The following ARHGAP24 variants were observed in gnomAD, a reference collection of about 807,000 sequenced individuals.
ARHGAP24 encodes rho GTPase-activating protein 24.
In ARHGAP24, 50 loss-of-function variants were observed where a neutral mutation model predicts 76.4. The observed-to-expected ratio is 0.65, with a 90% confidence interval of 0.52 to 0.83. The LOEUF (loss-of-function observed/expected upper bound fraction) is 0.83, where lower values mean the gene tolerates loss of function less well. ARHGAP24 is among the 40% of genes least tolerant of loss of function. The pLI, the probability that ARHGAP24 is intolerant of heterozygous loss-of-function variation, is 0.00. For synonymous variants in ARHGAP24, 345 were observed against 323.3 expected (o/e 1.07, Z -0.72); for missense variants, 930 against 914.2 (o/e 1.02, Z -0.22).
At chr4:85,883,753 G>T (rs959258708) in intron 3 of ARHGAP24, among the ~76,000 whole-genome samples, 1 of 152,112 alleles carries the variant, frequency 6.6e-6, no homozygotes, top group Middle Eastern at 3.2e-3. Context: ...CACACAGACA[G>T]ATGTTAGCAG....
At chr4:85,493,416 C>A (rs576808973) in intron 1 of ARHGAP24, among the ~76,000 whole-genome samples, 2 of 152,218 alleles carry the variant, frequency 1.3e-5, no homozygotes, top group African/African-American at 2.4e-5. Flanking sequence ...AATTCTTCTA[C>A]GCGGAAGTTT....
chr4:85,738,241 T>A (rs1270919260), intron 3 of ARHGAP24, among the ~76,000 whole-genome samples: 1 of 152,130 alleles, frequency 6.6e-6, no homozygotes, highest in Non-Finnish European at 1.5e-5. Flanking sequence ...TATCTCATTG[T>A]GGTTTATTTG....
At chr4:85,494,465 A>G (rs781429865) in intron 1 of ARHGAP24, among the ~76,000 whole-genome samples, 7 of 152,034 alleles carry the variant, frequency 4.6e-5, no homozygotes, top group Admixed American at 2.0e-4. Flanking sequence ...GGCGGGTGGA[A>G]CACGAGGTCA....
At chr4:85,524,063 G>T (rs947801390) in intron 1 of ARHGAP24, among the ~76,000 whole-genome samples, 4 of 152,062 alleles carry the variant, frequency 2.6e-5, no homozygotes, top group African/African-American at 9.7e-5. Flanking sequence ...GGTAGTGTTT[G>T]GGAGACTGAA....
intron 3 of ARHGAP24, among the ~76,000 whole-genome samples, chr4:85,861,755 C>T (rs1731910947): frequency 6.6e-6 from 1 of 152,044 alleles, no homozygotes; most frequent in East Asian, 1.9e-4. Context: ...AACATTCATC[C>T]ATTCACACCA....
intron 1 of ARHGAP24, among the ~76,000 whole-genome samples, chr4:85,497,706 G>A (rs1723634194): frequency 6.6e-6 from 1 of 152,124 alleles, no homozygotes; most frequent in Non-Finnish European, 1.5e-5. Context: ...TATAATCCTA[G>A]CTAAATGAGA....
At chr4:85,607,662 A>G (rs1720243245) in intron 2 of ARHGAP24, among the ~76,000 whole-genome samples, 1 of 150,320 alleles carries the variant, frequency 6.7e-6, no homozygotes, top group Non-Finnish European at 1.5e-5. Context: ...AAAACTGTCA[A>G]GCATTATTTT....
chr4:85,956,848 C>A (rs921858399), intron 5 of ARHGAP24, among the ~76,000 whole-genome samples: 1 of 152,110 alleles, frequency 6.6e-6, no homozygotes, highest in Non-Finnish European at 1.5e-5. Context: ...CTAACAAACA[C>A]GGACCAGAAG....
At chr4:85,714,695 G>A (rs1478616266) in intron 2 of ARHGAP24, among the ~76,000 whole-genome samples, 1 of 152,022 alleles carries the variant, frequency 6.6e-6, no homozygotes, top group Non-Finnish European at 1.5e-5. Flanking sequence ...TTAGGTCAGT[G>A]TTCTCCCAAA....
intron 2 of ARHGAP24, among the ~76,000 whole-genome samples, chr4:85,683,040 G>T (rs1404573172): frequency 7.3e-6 from 1 of 137,650 alleles, no homozygotes; most frequent in East Asian, 2.2e-4. Context: ...TTGAGTTTAG[G>T]GTTGCAAGCA....
At position 85,638,633 on chromosome 4, in the gene ARHGAP24, G is replaced by T. The variant is rs138702349; in HGVS notation, c.180+67912G>T. 9.9e-5 allele frequency among the ~76,000 whole-genome samples: 15 copies of T among 152,112 alleles called. No homozygotes were observed. The East Asian group carries it at 2.7e-3, about 28-fold the overall frequency. On this transcript the variant is annotated intron_variant, in intron 2 of 9. Coordinates refer to ENST00000395184, the MANE Select transcript of ARHGAP24 (RefSeq NM_001025616.3). ...TTTGTGTGTGTGGATGTGTGTGGAT[G>T]CCCACAATATGTTGGGCACCTTATC...
intron 1 of ARHGAP24, among the ~76,000 whole-genome samples, chr4:85,521,222 C>T (rs1163135675): frequency 6.6e-6 from 1 of 152,078 alleles, no homozygotes; most frequent in Admixed American, 6.6e-5. Flanking sequence ...CACTGATAAG[C>T]AGCAATGCTA....
In ARHGAP24 at chr4:85,856,698, G is replaced by T. The variant is rs1361314649; in HGVS notation, c.269-66950G>T. ...GTTGACCAAGCTAGTCTTGGCACCT[G>T]ACCTCACGTGATCCACTCACCTTGG... On this transcript the variant is annotated intron_variant, in intron 3 of 9. Coordinates refer to ENST00000395184, the MANE Select transcript of ARHGAP24 (RefSeq NM_001025616.3). Among the ~76,000 whole-genome samples the T allele has an allele frequency of 3.3e-5, 5 of 152,072 alleles. No individual in the cohort carries two copies. In the South Asian group the frequency reaches 1.0e-3, roughly 32 times the overall value.
chr4:85,963,008 GTAT>G (rs1430752214), intron 5 of ARHGAP24, among the ~76,000 whole-genome samples: 2 of 151,648 alleles, frequency 1.3e-5, no homozygotes, highest in African/African-American at 4.8e-5. Context: ...ATATGTATCT[GTAT>G]GTATGTACAT....
At chr4:85,808,292 T>C (rs1028765177) in intron 3 of ARHGAP24, among the ~76,000 whole-genome samples, 3 of 152,198 alleles carry the variant, frequency 2.0e-5, no homozygotes, top group Non-Finnish European at 4.4e-5. Flanking sequence ...TCTAGAGAGA[T>C]GTTAACTTAC....
At chr4:85,890,656 C>A (rs560142857) in intron 3 of ARHGAP24, among the ~76,000 whole-genome samples, 1 of 152,184 alleles carries the variant, frequency 6.6e-6, no homozygotes, top group Admixed American at 6.5e-5. Context: ...GTAGTGGCAG[C>A]TAGAATAGCC....
intron 2 of ARHGAP24, among the ~76,000 whole-genome samples, chr4:85,692,078 C>G (rs927532554): frequency 6.6e-6 from 1 of 152,004 alleles, no homozygotes; most frequent in Non-Finnish European, 1.5e-5. Context: ...TTTCTGCTTC[C>G]CTTATGAAGC....
chr4:85,552,513 G>A (rs1233581269), intron 1 of ARHGAP24, among the ~76,000 whole-genome samples: 1 of 152,114 alleles, frequency 6.6e-6, no homozygotes, highest in African/African-American at 2.4e-5. Flanking sequence ...TGAGTGGAGA[G>A]TTCTGTAGAT....
intron 3 of ARHGAP24, among the ~76,000 whole-genome samples, chr4:85,848,781 C>T (rs144206501): frequency 0.041 from 6,294 of 152,078 alleles, 446 homozygotes; most frequent in African/African-American, 0.14. Flanking sequence ...ATTTCTGAGG[C>T]CTCTGTTCTG....
Sources: allele counts gnomAD v4.1 joint callset (sites outside exome capture counted in the v4.1 genomes callset), GRCh38; gene constraint gnomAD v4.1.1; transcripts MANE v1.5; gene names NCBI Gene and HGNC (gene_info 2026-07-23, HGNC 2026-07-21).